Variants in SLC51A observed in about 807,000 individuals in gnomAD.
SLC51A encodes the protein solute carrier family 51 member A.
SLC51A carries 22 observed loss-of-function variants against 34.8 expected under a neutral mutation model. That is an observed-to-expected ratio of 0.63 (90% CI 0.45 to 0.90). The LOEUF is 0.90. SLC51A is among the 40% of genes least tolerant of loss of function. The probability of loss-of-function intolerance (pLI) is 0.00; values close to 1 mark genes in which losing one functional copy is unlikely to be tolerated. For synonymous variants in SLC51A, 181 were observed against 176.3 expected (o/e 1.03, Z -0.21); for missense variants, 371 against 414.8 (o/e 0.89, Z 0.92).
At chr3:196,219,984 G>T (rs566190462) in intron 2 of SLC51A, among the ~76,000 whole-genome samples, 1 of 152,238 alleles carries the variant, frequency 6.6e-6, no homozygotes, top group African/African-American at 2.4e-5. Flanking sequence ...AAGCCTCGCC[G>T]CAGGCAGAGT....
intron 2 of SLC51A, among the ~76,000 whole-genome samples, chr3:196,220,051 G>T (rs537048041): frequency 6.6e-6 from 1 of 152,246 alleles, no homozygotes; most frequent in Non-Finnish European, 1.5e-5. Context: ...GGATGAGTTC[G>T]GGGACGCCCC....
intron 8 of SLC51A, 80 bp downstream of exon 8, chr3:196,232,604 C>T (rs747156485): frequency 2.0e-5 from 21 of 1,047,494 alleles, no homozygotes; most frequent in Admixed American, 1.9e-4. Flanking sequence ...CCAGAACAGA[C>T]ATTAGGCCAG....
intron 2 of SLC51A, among the ~76,000 whole-genome samples, chr3:196,221,247 G>A (rs1442960117): frequency 9.9e-5 from 15 of 151,010 alleles, no homozygotes; most frequent in Non-Finnish European, 4.4e-5. Context: ...CCGAAACCCT[G>A]TCTCAATTTA....
In SLC51A at chr3:196,216,626, A is replaced by C; in HGVS notation, c.-87A>C. The C allele has an allele frequency of 1.4e-6, 2 of 1,383,024 alleles. No homozygotes were observed. Among genetic ancestry groups the C allele is most frequent in the Non-Finnish European group, 2.0e-6 (2 of 999,312 alleles). 85.7% of individuals were successfully genotyped at this position (1,383,024 alleles called of 1,614,324 possible). On this transcript the variant is annotated 5_prime_UTR_variant, in exon 1 of 9. Transcript: ENST00000296327. The surrounding 1 kb of genome is among the most constrained non-coding windows in gnomAD (Gnocchi z 4.5). The stretch of plus-strand genomic sequence containing the variant: ...CTTGCCCCCCACCCCGGCCCAGGCA[A>C]GCCACCCTGCCCCCGGCCCCCACCT...
At chr3:196,232,388 T>A in intron 7 of SLC51A, 31 bp from the exon 8 acceptor site, 3 of 1,574,050 alleles carry the variant, frequency 1.9e-6, no homozygotes, top group Non-Finnish European at 2.6e-6. Context: ...GCAGGCCCAG[T>A]CCACCCTTGC....
Position 196,226,773 on chromosome 3 carries a change from T to TAAAAA in SLC51A, c.134-180_134-176dup, listed in dbSNP as rs780868037. Reference sequence around the variant, plus strand: ...TGGGCAACAGAGTGAGGCTCCGTCTTAAAAAAAAAAAAAAAAGAAAAAGAA... The same window carrying TAAAAA: ...TGGGCAACAGAGTGAGGCTCCGTCTTAAAAAAAAAAAAAAAAAAAAAGAAAAAGAA... On this transcript the variant is annotated intron_variant, in intron 2 of 8. Coordinates refer to ENST00000296327, the MANE Select transcript of SLC51A (RefSeq NM_152672.6). 1.7e-4 allele frequency among the ~76,000 whole-genome samples: 18 copies of TAAAAA among 107,572 alleles called. No homozygotes were observed. In the East Asian group the frequency reaches 4.0e-3, roughly 24 times the overall value. The allele number at this position is 107,572 out of a possible 152,430, so 70.6% of individuals were successfully genotyped here. A position where few individuals can be genotyped will look rare whatever the true frequency, so the allele number is the denominator to read the frequency against.
At chr3:196,220,611 A>T (rs1437549615) in intron 2 of SLC51A, among the ~76,000 whole-genome samples, 1 of 152,294 alleles carries the variant, frequency 6.6e-6, no homozygotes, top group African/African-American at 2.4e-5. Flanking sequence ...ACAGCAAAAA[A>T]TAGGCAGGGA....
chr3:196,218,057 G>T, intron 2 of SLC51A, 121 bp downstream of exon 2: 2 of 857,854 alleles, frequency 2.3e-6, no homozygotes, highest in Non-Finnish European at 3.7e-6. Context: ...AACTGGCCCG[G>T]TGTCTGTCAT....
intron 7 of SLC51A, among the ~76,000 whole-genome samples, chr3:196,231,625 T>C (rs1228349582): frequency 1.3e-5 from 2 of 152,196 alleles, no homozygotes; most frequent in East Asian, 1.9e-4. Flanking sequence ...AGAAAGGTTC[T>C]GGGTCCCAGA....
In SLC51A at chr3:196,228,836, C is replaced by T; in HGVS notation, c.549C>T (p.Gly183=). 10 of 1,614,142 alleles carry T rather than the reference C, an allele frequency of 6.2e-6. No individual in the cohort carries two copies. Among genetic ancestry groups the T allele is most frequent in the Non-Finnish European group, 8.5e-6 (10 of 1,180,020 alleles). ...TRKKLQLLML[G]PFQYAFLKIT... ...AGAAGCTTCAGCTGCTGATGTTGGGCCCTTTCCAATACGCCTTCTTGAAGA... is the reference window on the plus strand; with the variant it reads ...AGAAGCTTCAGCTGCTGATGTTGGGTCCTTTCCAATACGCCTTCTTGAAGA... The change falls in exon 6 of 9, where the codon GGC becomes GGT. Residue 183 remains glycine (G), a synonymous_variant. Coordinates refer to ENST00000296327, the MANE Select transcript of SLC51A (RefSeq NM_152672.6). The surrounding 1 kb of genome is among the most constrained non-coding windows in gnomAD (Gnocchi z 4.9).
intron 6 of SLC51A, among the ~76,000 whole-genome samples, chr3:196,229,528 C>G (rs1196800783): frequency 1.3e-5 from 2 of 151,730 alleles, no homozygotes; most frequent in Non-Finnish European, 2.9e-5. Flanking sequence ...CAGGCATGCA[C>G]CACCACCCCC....
intron 7 of SLC51A, among the ~76,000 whole-genome samples, chr3:196,231,046 C>A (rs1373934038): frequency 6.6e-6 from 1 of 152,196 alleles, no homozygotes; most frequent in Non-Finnish European, 1.5e-5. Flanking sequence ...AACCCATCAA[C>A]ACCAGCAGAA....
chr3:196,228,256 A>T lies in SLC51A; in HGVS notation c.504A>T (p.Pro168=). Residue 168 remains proline (P), a synonymous_variant, in exon 5 of 9, where the codon CCA becomes CCT. Coordinates refer to ENST00000296327, the MANE Select transcript of SLC51A (RefSeq NM_152672.6). This position sits in a 1 kb window ranked among gnomAD's most constrained non-coding sequence, Gnocchi z 4.9. ...GCTGCTGCTGCTGCCCCTGCTGTCC[A>T]CGGCTGCTGCTCACCAGGTGAGGCG... The part of the protein sequence containing the change: ...GPCCCCCPCC[P]RLLLTRKKLQ... 1 of 1,612,248 alleles carries T rather than the reference A, an allele frequency of 6.2e-7. No homozygotes were observed. The highest frequency in any genetic ancestry group is 8.5e-7 in the Non-Finnish European group (1 of 1,179,694).
chr3:196,232,669 C>G, intron 8 of SLC51A, 145 bp downstream of exon 8: 1 of 660,414 alleles, frequency 1.5e-6, no homozygotes, highest in Non-Finnish European at 2.7e-6. Context: ...CCAACAGAGG[C>G]TTTAAGGAAA....
chr3:196,232,913 C>A, intron 8 of SLC51A, 150 bp from the exon 9 acceptor site: 1 of 794,968 alleles, frequency 1.3e-6, no homozygotes, highest in Non-Finnish European at 2.0e-6. Flanking sequence ...CATTAACCCG[C>A]TGTGTTATTT....
At chr3:196,224,716 G>A (rs180868984) in intron 2 of SLC51A, among the ~76,000 whole-genome samples, 727 of 67,696 alleles carry the variant, frequency 0.011, 11 homozygotes, top group African/African-American at 0.038. Context: ...GAGGAGATGG[G>A]AGGGGAGGAG....
At chr3:196,221,719 GT>G (rs547977757) in intron 2 of SLC51A, among the ~76,000 whole-genome samples, 83 of 142,076 alleles carry the variant, frequency 5.8e-4, no homozygotes, top group East Asian at 6.2e-4. Context: ...TTGGTTTTTT[GT>G]TTTTTTTTTT....
chr3:196,230,421 T>G (rs1724003693), intron 7 of SLC51A, among the ~76,000 whole-genome samples: 1 of 152,154 alleles, frequency 6.6e-6, no homozygotes, highest in Admixed American at 6.5e-5. Context: ...CCAGCAGTCC[T>G]GGACCATCCT....
intron 2 of SLC51A, chr3:196,225,834 C>T (rs1164015960): frequency 6.6e-6 from 1 of 152,188 alleles, no homozygotes; most frequent in East Asian, 1.9e-4. Context: ...GGGCCCATCT[C>T]AGATCTATGG....
Sources: allele counts gnomAD v4.1 joint callset (sites outside exome capture counted in the v4.1 genomes callset), GRCh38; gene constraint gnomAD v4.1.1; non-coding constraint Gnocchi (gnomAD v3.1); transcripts MANE v1.5; gene names NCBI Gene and HGNC (gene_info 2026-07-23, HGNC 2026-07-21).